The following RAB11FIP2 variants were observed in gnomAD, a reference collection of about 807,000 sequenced individuals.
RAB11FIP2 encodes the protein rab11 family-interacting protein 2.
A neutral mutation model predicts 40.9 loss-of-function variants in RAB11FIP2; 16 were observed. That is an observed-to-expected ratio of 0.39 (90% CI 0.26 to 0.59). The LOEUF is 0.59. RAB11FIP2 is among the 20% of genes least tolerant of loss of function. The pLI is 0.53. For synonymous variants in RAB11FIP2, 228 were observed against 213.7 expected, an observed-to-expected ratio of 1.07 and a Z score of -0.58; for missense variants, 532 against 606.2, an observed-to-expected ratio of 0.88 and a Z score of 1.28.
chr10:118,042,706 G>T (rs1846576471), intron 1 of RAB11FIP2, among the ~76,000 whole-genome samples: 1 of 152,192 alleles, frequency 6.6e-6, no homozygotes, highest in African/African-American at 2.4e-5. Context: ...AACTGTGTGT[G>T]TGTGTGTATG....
At chr10:118,044,135 T>C (rs1441118210) in intron 1 of RAB11FIP2, among the ~76,000 whole-genome samples, 4 of 152,168 alleles carry the variant, frequency 2.6e-5, no homozygotes, top group Non-Finnish European at 5.9e-5. Flanking sequence ...ACCAAATGTA[T>C]TGTAACTGTG....
chr10:118,006,189 T>C lies in RAB11FIP2; in HGVS notation c.*2809A>G, dbSNP rs1020320622. 4 of 152,628 alleles carry C rather than the reference T, an allele frequency of 2.6e-5. No homozygotes were observed. The highest frequency in any genetic ancestry group is 2.6e-4 in the Admixed American group (4 of 15,278). The allele number at this position is 152,628 out of a possible 1,614,324, so 9.5% of individuals were successfully genotyped here. On this transcript the variant is annotated 3_prime_UTR_variant, in exon 5 of 5. Transcript: ENST00000355624. The stretch of plus-strand genomic sequence containing the variant: ...GAAGCGTAAGTGGTAGGAAGGTATG[T>C]TCAATATTTTTAAAGCTGAATTTTA...
At chr10:118,031,592 A>G (rs1203412976) in intron 3 of RAB11FIP2, among the ~76,000 whole-genome samples, 2 of 152,142 alleles carry the variant, frequency 1.3e-5, no homozygotes, top group East Asian at 1.9e-4. Flanking sequence ...ACCTGACCTC[A>G]GAAGTGGAAG....
chr10:118,038,089 C>T (rs1420917803), intron 3 of RAB11FIP2, among the ~76,000 whole-genome samples: 1 of 151,596 alleles, frequency 6.6e-6, no homozygotes, highest in African/African-American at 2.4e-5. Context: ...AAATGCAGAA[C>T]CTGCAAATAT....
intron 3 of RAB11FIP2, among the ~76,000 whole-genome samples, chr10:118,033,581 C>T (rs560904777): frequency 5.1e-4 from 78 of 152,174 alleles, no homozygotes; most frequent in African/African-American, 1.6e-3. Flanking sequence ...GGAATGAAGA[C>T]GGCATGGCTT....
intron 3 of RAB11FIP2, among the ~76,000 whole-genome samples, chr10:118,021,083 T>A (rs766410694): frequency 2.6e-5 from 4 of 151,532 alleles, no homozygotes; most frequent in Non-Finnish European, 5.9e-5. Flanking sequence ...TGCCTACACA[T>A]ACACACACAC....
At position 118,036,009 on chromosome 10, in the gene RAB11FIP2, T is replaced by C. The variant is rs539050316; in HGVS notation, c.1265+2963A>G. ...GGACAGGATCAAAATGTGGTATTTT[T>C]TGTGGTTTCCAAAGTGCTTTCTTCA... On this transcript the variant is annotated intron_variant, in intron 3 of 4. Transcript: ENST00000355624. Among the ~76,000 whole-genome samples, 14 of 152,258 alleles carry C rather than the reference T, an allele frequency of 9.2e-5. No individual in the cohort carries two copies. In the East Asian group the frequency reaches 2.3e-3, roughly 25 times the overall value.
intron 3 of RAB11FIP2, among the ~76,000 whole-genome samples, chr10:118,022,501 T>A (rs1484769606): frequency 6.6e-6 from 1 of 152,212 alleles, no homozygotes; most frequent in Non-Finnish European, 1.5e-5. Flanking sequence ...CCAGACTTAT[T>A]GCCCATCCCC....
At chr10:118,011,393 A>G (rs193066557) in intron 4 of RAB11FIP2, among the ~76,000 whole-genome samples, 137 of 149,104 alleles carry the variant, frequency 9.2e-4, no homozygotes, top group Non-Finnish European at 1.5e-3. Context: ...ACACATGCGC[A>G]CACACACACA....
At chr10:118,027,872 T>C (rs915713662) in intron 3 of RAB11FIP2, among the ~76,000 whole-genome samples, 3 of 152,166 alleles carry the variant, frequency 2.0e-5, no homozygotes, top group African/African-American at 7.2e-5. Flanking sequence ...TATCTAGTCA[T>C]GCCCCAACTT....
At chr10:118,042,978 GT>G (rs1176364819) in intron 1 of RAB11FIP2, among the ~76,000 whole-genome samples, 1 of 152,142 alleles carries the variant, frequency 6.6e-6, no homozygotes, top group African/African-American at 2.4e-5. Flanking sequence ...GATAGCATTT[GT>G]TTTTCCAGTC....
chr10:118,036,171 T>A (rs952108898), intron 3 of RAB11FIP2, among the ~76,000 whole-genome samples: 1 of 152,064 alleles, frequency 6.6e-6, no homozygotes, highest in South Asian at 2.1e-4. Context: ...AGGGTAACAA[T>A]ATGGTTCCTA....
intron 3 of RAB11FIP2, among the ~76,000 whole-genome samples, chr10:118,028,186 A>C (rs1276311836): frequency 2.0e-5 from 3 of 152,146 alleles, no homozygotes; most frequent in Admixed American, 6.6e-5. Flanking sequence ...TACTCTAAGA[A>C]GGCCAAGCTG....
chr10:118,018,782 T>G (rs1564831232), intron 3 of RAB11FIP2, among the ~76,000 whole-genome samples: 1 of 152,212 alleles, frequency 6.6e-6, no homozygotes, highest in African/African-American at 2.4e-5. Flanking sequence ...GAAACTGTCC[T>G]TTAATTTGTG....
intron 3 of RAB11FIP2, among the ~76,000 whole-genome samples, chr10:118,020,938 C>T (rs1159726884): frequency 6.6e-6 from 1 of 152,060 alleles, no homozygotes; most frequent in East Asian, 1.9e-4. Context: ...TATGAATTAC[C>T]TATACTTTCC....
At chr10:118,032,108 A>C (rs992469316) in intron 3 of RAB11FIP2, among the ~76,000 whole-genome samples, 1 of 151,976 alleles carries the variant, frequency 6.6e-6, no homozygotes, top group Non-Finnish European at 1.5e-5. Flanking sequence ...TACTCTCTCA[A>C]TCTTATTCTC....
At chr10:118,039,655 G>T (rs971506507) in intron 2 of RAB11FIP2, 3 of 551,062 alleles carry the variant, frequency 5.4e-6, no homozygotes, top group African/African-American at 3.8e-5. Context: ...TAGACCATTA[G>T]TAATGTATTC....
intron 2 of RAB11FIP2, 65 bp downstream of exon 2, chr10:118,040,058 A>C: frequency 6.9e-7 from 1 of 1,442,716 alleles, no homozygotes; most frequent in South Asian, 1.3e-5. Context: ...CTAAATTTAG[A>C]AATTAAACTT....
In RAB11FIP2 at chr10:118,046,381, A is replaced by T; in HGVS notation, c.-218T>A. 3.6e-6 allele frequency: 2 copies of T among 562,574 alleles called. No homozygotes were observed. Among genetic ancestry groups the T allele is most frequent in the Middle Eastern group, 4.7e-4 (1 of 2,126 alleles). The allele number at this position is 562,574 out of a possible 1,614,324, so 34.8% of individuals were successfully genotyped here. ...TCCCCTTTCGTCTGGAGAAACACAG[A>T]GGCCCACCATCACCTGGCCGCGCCG... On this transcript the variant is annotated 5_prime_UTR_variant, in exon 1 of 5. Transcript: ENST00000355624.
Sources: gnomAD v4.1 joint callset for allele counts (sites outside exome capture counted in the v4.1 genomes callset) on GRCh38, gnomAD v4.1.1 for gene constraint, MANE v1.5 for transcripts, NCBI Gene and HGNC (gene_info 2026-07-23, HGNC 2026-07-21) for gene names.